The following LRRC36 variants were observed in gnomAD, a reference collection of about 807,000 sequenced individuals.
LRRC36 encodes the protein leucine rich repeat containing 36, also known as leucine-rich repeat-containing protein 36.
In LRRC36, 62 loss-of-function variants were observed where a neutral mutation model predicts 81.1. The observed-to-expected ratio is 0.76, with a 90% CI of 0.62 to 0.94. LRRC36 has a LOEUF of 0.94. LRRC36 is among the 40% of genes least tolerant of loss of function. The probability of loss-of-function intolerance (pLI) is 0.00; values close to 1 mark genes in which losing one functional copy is unlikely to be tolerated. For synonymous variants in LRRC36, 334 were observed against 348.6 expected (o/e 0.96, Z 0.47); for missense variants, 761 against 881.7 (o/e 0.86, Z 1.73).
chr16:67,337,082 T>C (rs901031790), intron 1 of LRRC36, among the ~76,000 whole-genome samples: 6 of 152,162 alleles, frequency 3.9e-5, no homozygotes, highest in Non-Finnish European at 7.3e-5. Context: ...CATTCCTTTT[T>C]ATGGCTGAGT....
At position 67,360,735 on chromosome 16, in the gene LRRC36, G is replaced by T. The variant is rs560615487; in HGVS notation, c.578-2855G>T. ...TCTTAGAGCCTCAGATGGATGGAGGGGCTGGTTCTCAAGAGGCTGGCTTTA... is the reference window on the plus strand; with the variant it reads ...TCTTAGAGCCTCAGATGGATGGAGGTGCTGGTTCTCAAGAGGCTGGCTTTA... On this transcript the variant is annotated intron_variant, in intron 5 of 13. Coordinates refer to ENST00000329956, the MANE Select transcript of LRRC36 (RefSeq NM_018296.6). Among the ~76,000 whole-genome samples, 5 of 152,278 alleles carry T rather than the reference G, an allele frequency of 3.3e-5. No homozygotes were observed. In the East Asian group the frequency reaches 9.6e-4, roughly 29 times the overall value.
chr16:67,341,768 A>G (rs2038093387), intron 1 of LRRC36, among the ~76,000 whole-genome samples, 189 bp from the exon 2 acceptor site: 1 of 152,196 alleles, frequency 6.6e-6, no homozygotes, highest in Non-Finnish European at 1.5e-5. Context: ...CAAGGGCTCT[A>G]TAAAACTAAG....
Position 67,376,857 on chromosome 16 carries a change from G to A in LRRC36, c.1791G>A (p.Leu597=). Residue 597 remains leucine (L), a synonymous_variant, in exon 11 of 14, where the codon CTG becomes CTA. Coordinates refer to ENST00000329956, the MANE Select transcript of LRRC36 (RefSeq NM_018296.6). The stretch of plus-strand genomic sequence containing the variant: ...TTGAACTGAAGGAGGCTGCGCAGCT[G>A]GTCCCTAATGACATGGTATGCCCCT... ...RELELKEAAQ[L]VPNDMESLKQ... is the part of the protein sequence containing the mutation. The A allele has an allele frequency of 6.2e-7, 1 of 1,612,366 alleles. No individual in the cohort carries two copies. The highest frequency in any genetic ancestry group is 1.7e-5 in the Admixed American group (1 of 59,952).
intron 2 of LRRC36, among the ~76,000 whole-genome samples, chr16:67,345,292 C>T (rs1170514170): frequency 7.0e-6 from 1 of 143,434 alleles, no homozygotes; most frequent in African/African-American, 2.6e-5. Context: ...CCAGCCTGGG[C>T]GATAGAGTGA....
chr16:67,345,436 C>T (rs1479797864), intron 2 of LRRC36, among the ~76,000 whole-genome samples: 2 of 151,964 alleles, frequency 1.3e-5, no homozygotes, highest in Non-Finnish European at 2.9e-5. Context: ...TTTTCAATAG[C>T]AGGTTTCAGC....
At chr16:67,361,517 T>C (rs2039144144) in intron 5 of LRRC36, among the ~76,000 whole-genome samples, 1 of 152,228 alleles carries the variant, frequency 6.6e-6, no homozygotes, top group Non-Finnish European at 1.5e-5. Flanking sequence ...TTTTTGTGAA[T>C]ATATGTATTA....
intron 12 of LRRC36, among the ~76,000 whole-genome samples, chr16:67,380,951 C>G (rs1474344821): frequency 1.3e-5 from 2 of 152,160 alleles, no homozygotes; most frequent in East Asian, 3.8e-4. Context: ...AGGCTGGGCA[C>G]AGTGGCTCAC....
intron 2 of LRRC36, among the ~76,000 whole-genome samples, chr16:67,345,172 AGGTGT>A (rs1208493904): frequency 1.3e-5 from 2 of 152,012 alleles, no homozygotes; most frequent in African/African-American, 4.8e-5. Context: ...ATAGTTAGCC[AGGTGT>A]GGTGCCACAT....
intron 5 of LRRC36, among the ~76,000 whole-genome samples, chr16:67,352,489 A>C (rs888431386): frequency 2.6e-5 from 4 of 152,088 alleles, no homozygotes; most frequent in Admixed American, 2.6e-4. Flanking sequence ...TCTCCTAACC[A>C]CATAATCATT....
At chr16:67,368,706 T>C (rs575171377) in intron 8 of LRRC36, among the ~76,000 whole-genome samples, 2 of 152,168 alleles carry the variant, frequency 1.3e-5, no homozygotes, top group African/African-American at 2.4e-5. Flanking sequence ...GAGAATAGAC[T>C]ATGGGGAGGA....
At chr16:67,354,096 T>C (rs1490278684) in intron 5 of LRRC36, among the ~76,000 whole-genome samples, 8 of 152,120 alleles carry the variant, frequency 5.3e-5, no homozygotes, top group Admixed American at 5.2e-4. Context: ...AGCTGAAAGC[T>C]TATCTCCTGT....
At chr16:67,362,585 T>C (rs1329204524) in intron 5 of LRRC36, among the ~76,000 whole-genome samples, 4 of 152,184 alleles carry the variant, frequency 2.6e-5, no homozygotes, top group Non-Finnish European at 5.9e-5. Flanking sequence ...TAGCAGGGGA[T>C]GATACTTCCA....
At chr16:67,375,748 C>T (rs1275508228) in intron 10 of LRRC36, among the ~76,000 whole-genome samples, 2 of 151,902 alleles carry the variant, frequency 1.3e-5, no homozygotes, top group African/African-American at 2.4e-5. Context: ...GGGAAAGTGC[C>T]AATAATGAAT....
rs180953533 is a variant in LRRC36 at position 67,365,291 on chromosome 16, G to A, written c.703-13G>A. 34 of 1,610,194 alleles carry A rather than the reference G, an allele frequency of 2.1e-5. No homozygotes were observed. Among genetic ancestry groups the A allele is most frequent in the African/African-American group, 1.7e-4 (13 of 74,792 alleles). On this transcript the variant is annotated splice_polypyrimidine_tract_variant and intron_variant, in intron 6 of 13. Transcript: ENST00000329956. Reference sequence around the variant, plus strand: ...TGGACTTCCTTCTACCTAAACTTTCGAACTTTTTTTAGACACAGGAAGTAG... The same window carrying A: ...TGGACTTCCTTCTACCTAAACTTTCAAACTTTTTTTAGACACAGGAAGTAG...
chr16:67,381,440 C>G (rs1404713785), intron 12 of LRRC36, among the ~76,000 whole-genome samples: 1 of 152,006 alleles, frequency 6.6e-6, no homozygotes, highest in Non-Finnish European at 1.5e-5. Flanking sequence ...TTTTCACATA[C>G]TACGTAGGGA....
Position 67,367,361 on chromosome 16 carries a change from G to C in LRRC36, c.1099G>C (p.Asp367His). The C allele has an allele frequency of 6.2e-7, 1 of 1,614,106 alleles. No homozygotes were observed. Among genetic ancestry groups the C allele is most frequent in the Non-Finnish European group, 8.5e-7 (1 of 1,179,996 alleles). Residue 367 changes from aspartate to histidine, a missense_variant, in exon 8 of 14, where the codon GAC (aspartate) becomes CAC (histidine). By Grantham distance (81) the Asp-to-His change is moderately conservative. Coordinates refer to ENST00000329956, the MANE Select transcript of LRRC36 (RefSeq NM_018296.6). ...AGAGTATAGCATAAAGCCTTCAAAT[G>C]ACATAAAGACCACCGCTTCACATTC... is the stretch of plus-strand genomic sequence containing the variant. ...YQEYSIKPSN[D>H]IKTTASHSCG...
chr16:67,363,585 C>T lies in LRRC36; in HGVS notation c.578-5C>T, dbSNP rs752403639. On this transcript the variant is annotated splice_region_variant and splice_polypyrimidine_tract_variant and intron_variant, in intron 5 of 13. Coordinates refer to ENST00000329956, the MANE Select transcript of LRRC36 (RefSeq NM_018296.6). ...CTTTATTGTTTGCTTTTTCTTTTAA[C>T]ACAGACTCAAACAAAGGACTTTTTA... The T allele has an allele frequency of 6.2e-7, 1 of 1,613,368 alleles. No individual in the cohort carries two copies. The highest frequency in any genetic ancestry group is 8.5e-7 in the Non-Finnish European group (1 of 1,179,532).
chr16:67,383,187 C>T (rs1403548895), intron 13 of LRRC36, among the ~76,000 whole-genome samples: 1 of 151,896 alleles, frequency 6.6e-6, no homozygotes, highest in East Asian at 1.9e-4. Context: ...TTTTGGCTTG[C>T]CGATAATACA....
intron 1 of LRRC36, among the ~76,000 whole-genome samples, chr16:67,336,159 G>A (rs556284046): frequency 5.3e-4 from 80 of 152,268 alleles, no homozygotes; most frequent in African/African-American, 1.8e-3. Flanking sequence ...ATGTCTTTCC[G>A]TGGTTAATAG....
Sources: allele counts gnomAD v4.1 joint callset (sites outside exome capture counted in the v4.1 genomes callset), GRCh38; gene constraint gnomAD v4.1.1; transcripts MANE v1.5; gene names NCBI Gene and HGNC (gene_info 2026-07-23, HGNC 2026-07-21).